ZNF676: variants seen among roughly 807,000 people sequenced by gnomAD.
The protein encoded by ZNF676 is zinc finger protein 676.
ZNF676 carries 4 observed loss-of-function variants against 6.0 expected under a neutral mutation model. The observed-to-expected ratio is 0.67, with a 90% CI of 0.33 to 1.53. ZNF676 has a LOEUF of 1.53. Among genes scored for constraint, ZNF676 ranks in the 40% most tolerant of loss-of-function variants. ZNF676 has a pLI of 0.06. For missense variants in ZNF676, 644 were observed against 679.7 expected (o/e 0.95, Z 0.58); for synonymous variants, 198 against 223.1 (o/e 0.89, Z 1.00).
the ZNF676 span, among the ~76,000 whole-genome samples, chr19:22,229,249 G>A: frequency 5.3e-5 from 8 of 152,030 alleles, no homozygotes; most frequent in Non-Finnish European, 1.2e-4. Flanking sequence ...CAAGAAATGG[G>A]GAAAGGATTC....
chr19:22,236,546 T>C, the ZNF676 span, among the ~76,000 whole-genome samples: 1 of 152,142 alleles, frequency 6.6e-6, no homozygotes, highest in South Asian at 2.1e-4. Context: ...TGGGGAAAGA[T>C]GGGAGAAAGA....
chr19:22,231,884 G>A, the ZNF676 span, among the ~76,000 whole-genome samples: 3 of 151,998 alleles, frequency 2.0e-5, no homozygotes, highest in Non-Finnish European at 4.4e-5. Context: ...ACAAGCGTGA[G>A]CCACCGCGCC....
chr19:22,237,758 T>C, the ZNF676 span, among the ~76,000 whole-genome samples: 1 of 152,122 alleles, frequency 6.6e-6, no homozygotes. Context: ...GACAAAAAGC[T>C]CATCAGAGTT....
the ZNF676 span, among the ~76,000 whole-genome samples, chr19:22,234,976 G>C: frequency 1.5e-5 from 1 of 65,714 alleles, no homozygotes; most frequent in African/African-American, 7.1e-5. Context: ...AAGAAAGAAA[G>C]AAAGAAAGAA....
At chr19:22,213,783 T>C (rs1364934207) in intron 1 of ZNF676, among the ~76,000 whole-genome samples, 5 of 152,180 alleles carry the variant, frequency 3.3e-5, no homozygotes, top group African/African-American at 9.7e-5. Flanking sequence ...GGAGCTGATA[T>C]TCACTAGATA....
At chr19:22,242,505 G>A in the ZNF676 span, among the ~76,000 whole-genome samples, 46 of 152,000 alleles carry the variant, frequency 3.0e-4, no homozygotes, top group East Asian at 7.9e-3. Context: ...GGTAGAAATC[G>A]CCAATTTCCT....
intron 1 of ZNF676, among the ~76,000 whole-genome samples, chr19:22,211,764 G>A (rs2024131229): frequency 6.6e-6 from 1 of 152,112 alleles, no homozygotes; most frequent in Non-Finnish European, 1.5e-5. Flanking sequence ...ACGAATCTAT[G>A]TAACTCACCA....
upstream of ZNF676, among the ~76,000 whole-genome samples, chr19:22,199,093 G>A (rs1480183473): frequency 6.6e-6 from 1 of 151,724 alleles, no homozygotes; most frequent in East Asian, 1.9e-4. Context: ...TAGAAGCCTG[G>A]GCTGATAACC....
the ZNF676 span, among the ~76,000 whole-genome samples, chr19:22,225,214 A>G: frequency 6.6e-6 from 1 of 152,296 alleles, no homozygotes; most frequent in East Asian, 1.9e-4. Context: ...GTAATGTAGT[A>G]TTCATCATTT....
At chr19:22,235,690 T>A in the ZNF676 span, among the ~76,000 whole-genome samples, 14 of 152,236 alleles carry the variant, frequency 9.2e-5, no homozygotes, top group African/African-American at 3.1e-4. Flanking sequence ...ATGTCATCAA[T>A]GCAATGGACA....
upstream of ZNF676, among the ~76,000 whole-genome samples, chr19:22,198,257 A>C (rs2023990861): frequency 6.6e-6 from 1 of 152,254 alleles, no homozygotes; most frequent in Admixed American, 6.5e-5. Context: ...CATTTTTAAT[A>C]TTGCAGATTA....
chr19:22,196,770 G>A lies in ZNF676; in HGVS notation c.-137C>T. 3 of 1,526,592 alleles carry A rather than the reference G, an allele frequency of 2.0e-6. No individual in the cohort carries two copies. In the East Asian group the frequency reaches 6.8e-5, roughly 34 times the overall value. 94.6% of individuals were successfully genotyped at this position (1,526,592 alleles called of 1,614,324 possible). A position where few individuals can be genotyped will look rare whatever the true frequency, so the allele number is the denominator to read the frequency against. On this transcript the variant is annotated 5_prime_UTR_variant, in exon 1 of 3. Coordinates refer to ENST00000397121, the MANE Select transcript of ZNF676 (RefSeq NM_001001411.3). ...CACATATATTTACCAATTGGTCATG[G>A]GCAGAACTTTTAATGTGACTCAAGG...
chr19:22,221,429 C>T, the ZNF676 span, among the ~76,000 whole-genome samples: 28 of 152,126 alleles, frequency 1.8e-4, 1 homozygote, highest in Non-Finnish European at 2.9e-4. Context: ...TGGCCTAAGA[C>T]AGTACTTGAT....
At chr19:22,228,624 A>G in the ZNF676 span, among the ~76,000 whole-genome samples, 23 of 152,288 alleles carry the variant, frequency 1.5e-4, no homozygotes, top group African/African-American at 5.1e-4. Context: ...TCCGCCCCAA[A>G]TCTCCTTAAG....
At chr19:22,201,147 G>C (rs757971655), upstream of ZNF676, among the ~76,000 whole-genome samples, 3 of 152,114 alleles carry the variant, frequency 2.0e-5, no homozygotes, top group Non-Finnish European at 4.4e-5. Flanking sequence ...GTAAGTAGAA[G>C]GACAAGAATA....
chr19:22,237,823 A>G, the ZNF676 span, among the ~76,000 whole-genome samples: 2 of 152,150 alleles, frequency 1.3e-5, no homozygotes, highest in African/African-American at 4.8e-5. Flanking sequence ...CCCCATTCCA[A>G]GTGGCAGGGT....
intron 1 of ZNF676, among the ~76,000 whole-genome samples, chr19:22,194,379 G>T (rs139242275): frequency 1.3e-5 from 2 of 152,170 alleles, no homozygotes; most frequent in Admixed American, 6.6e-5. Context: ...TCCACACAAA[G>T]CTTGGGGAAT....
At chr19:22,229,232 C>CA in the ZNF676 span, among the ~76,000 whole-genome samples, 1 of 151,896 alleles carries the variant, frequency 6.6e-6, no homozygotes, top group African/African-American at 2.4e-5. Flanking sequence ...ACAAACCTGA[C>CA]AAAAAACAAG....
chr19:22,206,821 C>G (rs553260146), intron 1 of ZNF676, among the ~76,000 whole-genome samples: 2 of 152,246 alleles, frequency 1.3e-5, no homozygotes, highest in African/African-American at 4.8e-5. Flanking sequence ...TGATTCATCA[C>G]ATAAACAGAA....
Sources: gnomAD v4.1 joint callset for allele counts (sites outside exome capture counted in the v4.1 genomes callset) on GRCh38, gnomAD v4.1.1 for gene constraint, MANE v1.5 for transcripts, NCBI Gene and HGNC (gene_info 2026-07-23, HGNC 2026-07-21) for gene names.